Variants in IL31RA observed in about 807,000 individuals in gnomAD.
IL31RA encodes interleukin 31 receptor A.
In IL31RA, 66 loss-of-function variants were observed where a neutral mutation model predicts 83.7. The ratio of observed to expected loss-of-function variants is 0.79; its 90% confidence interval spans 0.65 to 0.97. The LOEUF is 0.97. Ranked by LOEUF, IL31RA falls within the 50% of genes least tolerant of loss-of-function variation. The pLI is 0.00. For synonymous variants in IL31RA, 325 were observed against 329.0 expected, an observed-to-expected ratio of 0.99 and a Z score of 0.13; for missense variants, 798 against 919.4, an observed-to-expected ratio of 0.87 and a Z score of 1.71.
chr5:55,867,407 G>A (rs1490928028), intron 2 of IL31RA, among the ~76,000 whole-genome samples: 2 of 151,812 alleles, frequency 1.3e-5, no homozygotes, highest in Non-Finnish European at 2.9e-5. Context: ...GTTTGTAAAT[G>A]CACAAATAAA....
chr5:55,913,388 C>T, intron 12 of IL31RA, 89 bp from the exon 13 acceptor site: 2 of 839,370 alleles, frequency 2.4e-6, no homozygotes, highest in Admixed American at 1.8e-5. Flanking sequence ...CATTGTGTTG[C>T]TGAAGCTACT....
In IL31RA at chr5:55,889,994, C is replaced by A. The variant is rs754977660; in HGVS notation, c.631C>A (p.Arg211Ser). ...SWMEVNFAKN[R>S]KDKNQTYNLT... ...GATGGAAGTCAACTTCGCTAAGAACCGTAAGGATAAAAACCAAACGTACAA... is the reference window on the plus strand; with the variant it reads ...GATGGAAGTCAACTTCGCTAAGAACAGTAAGGATAAAAACCAAACGTACAA... The change falls in exon 6 of 15, where the codon CGT becomes AGT. Residue 211 changes from arginine (R) to serine (S), a missense_variant. Arg to Ser is a moderately radical substitution (Grantham distance 110, BLOSUM62 -1). Coordinates refer to ENST00000652347, the MANE Select transcript of IL31RA (RefSeq NM_139017.7). The A allele has an allele frequency of 6.2e-6, 10 of 1,613,896 alleles. No homozygotes were observed. The highest frequency in any genetic ancestry group is 5.9e-6 in the Non-Finnish European group (7 of 1,179,938).
intron 2 of IL31RA, among the ~76,000 whole-genome samples, chr5:55,862,597 T>C (rs560354129): frequency 1.3e-5 from 2 of 152,124 alleles, no homozygotes; most frequent in Non-Finnish European, 2.9e-5. Context: ...TTAGTAGAGA[T>C]GGGGTTTCAC....
intron 2 of IL31RA, among the ~76,000 whole-genome samples, chr5:55,864,346 C>CAA (rs1745881005): frequency 1.1e-5 from 1 of 87,936 alleles, no homozygotes; most frequent in Non-Finnish European, 2.7e-5. Context: ...ACACTACACA[C>CAA]ACACACACAC....
At chr5:55,898,028 T>G (rs191725630) in intron 7 of IL31RA, among the ~76,000 whole-genome samples, 1 of 152,332 alleles carries the variant, frequency 6.6e-6, no homozygotes, top group African/African-American at 2.4e-5. Flanking sequence ...CTCCCTGGGT[T>G]GCGGAGGCGG....
chr5:55,840,772 C>G, the IL31RA span, among the ~76,000 whole-genome samples: 1 of 152,150 alleles, frequency 6.6e-6, no homozygotes, highest in Non-Finnish European at 1.5e-5. Flanking sequence ...GGGCAGCTGT[C>G]TCTGAACTTT....
chr5:55,841,175 G>T, the IL31RA span, among the ~76,000 whole-genome samples: 2 of 152,070 alleles, frequency 1.3e-5, no homozygotes, highest in Non-Finnish European at 2.9e-5. Context: ...ATCTAATCTG[G>T]GGCCTGAAAC....
In IL31RA at chr5:55,922,254, C is replaced by T. The variant is rs1412216505; in HGVS notation, c.*5134C>T. ...GGGCTGTGCTGCCCAAGACGCTTGT[C>T]GTGTGCTGATGAAAAGGGCTGGGGA... On this transcript the variant is annotated 3_prime_UTR_variant, in exon 15 of 15. Transcript: ENST00000652347. The T allele has an allele frequency of 1.9e-5, 14 of 722,668 alleles. No homozygotes were observed. Among genetic ancestry groups the T allele is most frequent in the Non-Finnish European group, 2.8e-5 (11 of 398,252 alleles). 44.8% of individuals were successfully genotyped at this position (722,668 alleles called of 1,614,324 possible). A position where few individuals can be genotyped will look rare whatever the true frequency, so the allele number is the denominator to read the frequency against.
chr5:55,900,973 A>G (rs1400038567), intron 8 of IL31RA, among the ~76,000 whole-genome samples: 1 of 152,172 alleles, frequency 6.6e-6, no homozygotes, highest in Non-Finnish European at 1.5e-5. Context: ...TTGTGGAAAC[A>G]TATCATAGTC....
intron 5 of IL31RA, among the ~76,000 whole-genome samples, chr5:55,883,719 A>T (rs916115373): frequency 6.6e-6 from 1 of 152,146 alleles, no homozygotes; most frequent in Non-Finnish European, 1.5e-5. Context: ...CCTGATTTTC[A>T]TGGTAATCTT....
intron 4 of IL31RA, among the ~76,000 whole-genome samples, chr5:55,881,949 G>C (rs137937506): frequency 0.011 from 1,694 of 152,104 alleles, 15 homozygotes; most frequent in Non-Finnish European, 0.017. Flanking sequence ...CTGACCTCCT[G>C]ATCTGCCTGC....
chr5:55,887,056 G>C (rs1034351698), intron 5 of IL31RA, among the ~76,000 whole-genome samples: 1 of 152,114 alleles, frequency 6.6e-6, no homozygotes, highest in Non-Finnish European at 1.5e-5. Flanking sequence ...ATAAATATTT[G>C]TTTAAATGTA....
intron 5 of IL31RA, among the ~76,000 whole-genome samples, chr5:55,887,682 C>A (rs1402608515): frequency 6.6e-6 from 1 of 152,036 alleles, no homozygotes; most frequent in South Asian, 2.1e-4. Flanking sequence ...GTTAGGAGAT[C>A]GAGACCATCC....
At chr5:55,859,422 A>T (rs1375287961) in intron 1 of IL31RA, 87 bp from the exon 2 acceptor site, 1 of 968,110 alleles carries the variant, frequency 1.0e-6, no homozygotes, top group Non-Finnish European at 1.7e-6. Flanking sequence ...CCTCCTTCCA[A>T]AATCCCCAGA....
At chr5:55,852,030 C>T (rs1745099709) in intron 1 of IL31RA, among the ~76,000 whole-genome samples, 1 of 152,154 alleles carries the variant, frequency 6.6e-6, no homozygotes, top group African/African-American at 2.4e-5. Context: ...CTATTTAATA[C>T]ACAACACCTT....
Position 55,890,139 on chromosome 5 carries a change from A to G in IL31RA, c.772+4A>G. On this transcript the variant is annotated splice_donor_region_variant and intron_variant, in intron 6 of 14. Transcript: ENST00000652347. The stretch of plus-strand genomic sequence containing the variant: ...ATGGGAATGACTGAGGAAGAAGGCA[A>G]GCTACTCCCTGCGATTCCCGTCCTG... 6.2e-7 allele frequency: 1 copy of G among 1,613,574 alleles called. No individual in the cohort carries two copies. The highest frequency in any genetic ancestry group is 8.5e-7 in the Non-Finnish European group (1 of 1,179,698).
rs1399178426 is a variant in IL31RA at position 55,919,479 on chromosome 5, A to G, written c.*2359A>G. ...TTTGCTGGACAATTTGCAAATCCCC[A>G]CCCAGCCCTTCCTGTTTCATTTCTT... On this transcript the variant is annotated 3_prime_UTR_variant, in exon 15 of 15. Coordinates refer to ENST00000652347, the MANE Select transcript of IL31RA (RefSeq NM_139017.7). Among the ~76,000 whole-genome samples, 1 of 151,864 alleles carries G rather than the reference A, an allele frequency of 6.6e-6. No individual in the cohort carries two copies.
Position 55,913,499 on chromosome 5 carries a change from A to G in IL31RA, c.1665A>G (p.Ile555Met), listed in dbSNP as rs1749619099. Reference sequence around the variant, plus strand: ...AAGGTGTCTTTGAGATTATCCTCATAACTTCTCTGATTGGTGGAGGCCTTC... The same window carrying G: ...AAGGTGTCTTTGAGATTATCCTCATGACTTCTCTGATTGGTGGAGGCCTTC... ...LSFSVFEIILITSLIGGGLLI... is the reference protein window; with the variant it reads ...LSFSVFEIILMTSLIGGGLLI... Residue 555 changes from isoleucine to methionine, a missense_variant, in exon 13 of 15, where the codon ATA becomes ATG. Transcript: ENST00000652347. 1 of 1,613,012 alleles carries G rather than the reference A, an allele frequency of 6.2e-7. No homozygotes were observed. Among genetic ancestry groups the G allele is most frequent in the Non-Finnish European group, 8.5e-7 (1 of 1,178,968 alleles).
chr5:55,853,036 A>G (rs1452929681), intron 1 of IL31RA, among the ~76,000 whole-genome samples: 1 of 152,218 alleles, frequency 6.6e-6, no homozygotes, highest in Non-Finnish European at 1.5e-5. Context: ...TCAGTTCAGT[A>G]TGTTTTCCTT....
Sources: allele counts gnomAD v4.1 joint callset (sites outside exome capture counted in the v4.1 genomes callset), GRCh38; gene constraint gnomAD v4.1.1; transcripts MANE v1.5; gene names NCBI Gene and HGNC (gene_info 2026-07-23, HGNC 2026-07-21).